The following RBP2 variants were observed in gnomAD, a reference collection of about 807,000 sequenced individuals.
RBP2 encodes retinol-binding protein 2.
Under a neutral mutation model 17.0 loss-of-function variants are expected in RBP2, and 17 were observed. The observed-to-expected ratio is 1.00, with a 90% CI of 0.68 to 1.50. RBP2 has a LOEUF of 1.50. Among genes scored for constraint, RBP2 ranks in the 40% most tolerant of loss-of-function variants. RBP2 has a pLI of 0.00. For synonymous variants in RBP2, 48 were observed against 57.1 expected, an observed-to-expected ratio of 0.84 and a Z score of 0.72; for missense variants, 158 against 168.2, an observed-to-expected ratio of 0.94 and a Z score of 0.33.
intron 2 of RBP2, among the ~76,000 whole-genome samples, chr3:139,456,240 G>A (rs1428523835): frequency 6.6e-6 from 1 of 152,138 alleles, no homozygotes; most frequent in Non-Finnish European, 1.5e-5. Context: ...AACCCAGTTG[G>A]TGATAAACTG....
chr3:139,472,375 AGG>A, intron 1 of RBP2, among the ~76,000 whole-genome samples: 1 of 152,354 alleles, frequency 6.6e-6, no homozygotes, highest in East Asian at 1.9e-4. Context: ...TCCCACTGAG[AGG>A]TGGGGTCTAT....
At chr3:139,453,981 G>A (rs1394098636) in intron 3 of RBP2, among the ~76,000 whole-genome samples, 1 of 152,216 alleles carries the variant, frequency 6.6e-6, no homozygotes, top group East Asian at 1.9e-4. Flanking sequence ...GAAGGGCACT[G>A]TGGCAACCTG....
At chr3:139,470,307 T>C (rs1189308172) in intron 1 of RBP2, among the ~76,000 whole-genome samples, 3 of 152,130 alleles carry the variant, frequency 2.0e-5, no homozygotes, top group African/African-American at 7.2e-5. Flanking sequence ...TCTCACTTCA[T>C]ATTCATCTGC....
intron 2 of RBP2, among the ~76,000 whole-genome samples, chr3:139,455,955 G>C (rs925925868): frequency 6.6e-6 from 1 of 152,132 alleles, no homozygotes; most frequent in African/African-American, 2.4e-5. Flanking sequence ...TCCTCCTTCT[G>C]TTCCCCACTT....
chr3:139,473,111 G>A (rs1043531142), intron 1 of RBP2, among the ~76,000 whole-genome samples: 1 of 152,194 alleles, frequency 6.6e-6, no homozygotes, highest in East Asian at 1.9e-4. Flanking sequence ...GACATGACAA[G>A]TTCCTCAGGG....
intron 1 of RBP2, among the ~76,000 whole-genome samples, chr3:139,464,368 G>T (rs887884815): frequency 6.6e-6 from 1 of 152,140 alleles, no homozygotes; most frequent in Non-Finnish European, 1.5e-5. Flanking sequence ...TGAGGCGGGA[G>T]AATCACTTGA....
At chr3:139,460,964 C>T (rs1016703038) in intron 2 of RBP2, among the ~76,000 whole-genome samples, 7 of 152,140 alleles carry the variant, frequency 4.6e-5, no homozygotes, top group Admixed American at 1.3e-4. Flanking sequence ...AATGACAAGC[C>T]GGGAACCTTC....
At chr3:139,465,498 GTGAGGAGGCAGTCGAGA>G (rs1474118400) in intron 1 of RBP2, among the ~76,000 whole-genome samples, 2 of 152,188 alleles carry the variant, frequency 1.3e-5, no homozygotes, top group Admixed American at 6.5e-5. Flanking sequence ...GGATTATGTG[GTGAGGAGGCAGTCGAGA>G]TGGTACTTGA....
intron 1 of RBP2, 102 bp from the exon 2 acceptor site, chr3:139,462,392 T>C (rs936522410): frequency 5.8e-6 from 7 of 1,208,138 alleles, no homozygotes; most frequent in South Asian, 2.7e-5. Context: ...AGATTGTGTG[T>C]AGGCCACCTG....
rs1443604673 is a variant in RBP2 at position 139,462,140 on chromosome 3, G to T, written c.224C>A (p.Thr75Lys). ...AACATGCCGGTTATCCAGGCTCTTTGTGTACTCGTCAAACTCTACTCCAAC... is the reference window on the plus strand; with the variant it reads ...AACATGCCGGTTATCCAGGCTCTTTTTGTACTCGTCAAACTCTACTCCAAC... ...FTVGVEFDEYTKSLDNRHVKA... is the reference protein window; with the variant it reads ...FTVGVEFDEYKKSLDNRHVKA... Residue 75 changes from threonine to lysine, a missense_variant, in exon 2 of 4, where the codon ACA becomes AAA. Coordinates refer to ENST00000232217, the MANE Select transcript of RBP2 (RefSeq NM_004164.3). The T allele has an allele frequency of 1.2e-6, 2 of 1,613,904 alleles. No individual in the cohort carries two copies. The highest frequency in any genetic ancestry group is 1.3e-5 in the African/African-American group (1 of 74,866).
intron 1 of RBP2, among the ~76,000 whole-genome samples, chr3:139,464,928 C>A (rs1933308053): frequency 6.6e-6 from 1 of 152,132 alleles, no homozygotes; most frequent in Admixed American, 6.5e-5. Context: ...AGATTTTGAA[C>A]TTTGTCCATA....
At chr3:139,453,688 C>T (rs1011366304) in intron 3 of RBP2, among the ~76,000 whole-genome samples, 2 of 152,226 alleles carry the variant, frequency 1.3e-5, no homozygotes, top group African/African-American at 4.8e-5. Flanking sequence ...GCTTTTCATC[C>T]AGATAGAGGG....
At chr3:139,454,342 C>T (rs1943358879) in intron 3 of RBP2, among the ~76,000 whole-genome samples, 1 of 152,002 alleles carries the variant, frequency 6.6e-6, no homozygotes, top group Admixed American at 6.6e-5. Flanking sequence ...CTGTCTCCTC[C>T]CCACCCCACT....
In RBP2 at chr3:139,476,477, C is replaced by T. The variant is rs748155861; in HGVS notation, c.-18G>A. 2.2e-5 allele frequency: 35 copies of T among 1,612,850 alleles called. No individual in the cohort carries two copies. The highest frequency in any genetic ancestry group is 4.4e-5 in the South Asian group (4 of 91,000). ...CTTGTCATGGTGGTGGCCACTGGTT[C>T]GGTGAGGGTTTGTGGTGGATGGCAA... On this transcript the variant is annotated 5_prime_UTR_variant, in exon 1 of 4. Coordinates refer to ENST00000232217, the MANE Select transcript of RBP2 (RefSeq NM_004164.3).
chr3:139,460,322 C>G (rs1933144248), intron 2 of RBP2, among the ~76,000 whole-genome samples: 1 of 152,118 alleles, frequency 6.6e-6, no homozygotes, highest in South Asian at 2.1e-4. Context: ...AGTGGACATT[C>G]CAGGGCCCAG....
intron 2 of RBP2, among the ~76,000 whole-genome samples, chr3:139,458,794 C>G (rs1933075102): frequency 6.6e-6 from 1 of 152,218 alleles, no homozygotes; most frequent in Non-Finnish European, 1.5e-5. Context: ...CATCCTTTTT[C>G]ATGGCTGCAT....
chr3:139,469,703 A>C (rs187551798), intron 1 of RBP2, among the ~76,000 whole-genome samples: 1 of 146,756 alleles, frequency 6.8e-6, no homozygotes, highest in Non-Finnish European at 1.5e-5. Flanking sequence ...CTATCTATCT[A>C]TCTATCTATC....
chr3:139,471,701 C>G (rs966330381), intron 1 of RBP2, among the ~76,000 whole-genome samples: 5 of 152,140 alleles, frequency 3.3e-5, no homozygotes, highest in African/African-American at 1.2e-4. Context: ...TTTTCATGTT[C>G]TAGGCTGACT....
intron 1 of RBP2, among the ~76,000 whole-genome samples, chr3:139,469,688 T>TCTGC (rs1471591579): frequency 2.1e-5 from 1 of 47,244 alleles, no homozygotes; most frequent in Non-Finnish European, 5.3e-5. Context: ...TGTCTGTCTG[T>TCTGC]CTATCTATCT....
Sources: allele counts gnomAD v4.1 joint callset (sites outside exome capture counted in the v4.1 genomes callset), GRCh38; gene constraint gnomAD v4.1.1; transcripts MANE v1.5; gene names NCBI Gene and HGNC (gene_info 2026-07-23, HGNC 2026-07-21).